TRAK1: variants seen among roughly 807,000 people sequenced by gnomAD.
The protein encoded by TRAK1 is trafficking kinesin protein 1.
A neutral mutation model predicts 92.1 loss-of-function variants in TRAK1; 33 were observed. The observed-to-expected ratio is 0.36, with a 90% CI of 0.27 to 0.48. The LOEUF (loss-of-function observed/expected upper bound fraction) is 0.48, where lower values mean the gene tolerates loss of function less well. Ranked by LOEUF, TRAK1 falls within the 20% of genes least tolerant of loss-of-function variation. TRAK1 has a pLI of 0.99. For missense variants in TRAK1, 1,123 were observed against 1,257.9 expected, an observed-to-expected ratio of 0.89 and a Z score of 1.62; for synonymous variants, 521 against 517.3, an observed-to-expected ratio of 1.01 and a Z score of -0.10.
rs989621463 is a variant in TRAK1 at position 42,218,055 on chromosome 3, G to A, written c.1964-1439G>A. On this transcript the variant is annotated intron_variant, in intron 14 of 15. Coordinates refer to ENST00000327628, the MANE Select transcript of TRAK1 (RefSeq NM_001042646.3). ...GTCACGTCAGGTGCCATGGGAGCCT[G>A]CTTTGACACACAGACCCGAGTCAGA... 3.0e-6 allele frequency: 3 copies of A among 985,312 alleles called. No individual in the cohort carries two copies. The African/African-American group carries it at 5.2e-5, about 17-fold the overall frequency. 61.0% of individuals were successfully genotyped at this position (985,312 alleles called of 1,614,324 possible).
rs754842279 is a variant in TRAK1, at chr3:42,201,089, G to A, written c.1427+35G>A. 8 of 1,599,046 alleles carry A rather than the reference G, an allele frequency of 5.0e-6. No homozygotes were observed. In the Admixed American group the frequency reaches 1.2e-4, roughly 23 times the overall value. ...CTGGGAGTTTTCACTTCTCTGTTTT[G>A]GGGTGAGGAGTGGTAGTATGGATTG... is the stretch of plus-strand genomic sequence containing the variant. On this transcript the variant is annotated intron_variant, in intron 12 of 15. Coordinates refer to ENST00000327628, the MANE Select transcript of TRAK1 (RefSeq NM_001042646.3).
upstream of TRAK1, among the ~76,000 whole-genome samples, chr3:42,089,550 G>A (rs553261150): frequency 3.1e-4 from 47 of 152,160 alleles, no homozygotes; most frequent in Admixed American, 7.9e-4. Context: ...TACACTGGCC[G>A]CCTCACTTAA....
rs576402683 is a variant in TRAK1 at position 42,157,404 on chromosome 3, G to A, written c.287-19410G>A. ...AGCCTAGAGGTCGAGGCTGCAGTGA[G>A]CCATGATCATACTACTGCAGTCCAG... On this transcript the variant is annotated intron_variant, in intron 2 of 15. Transcript: ENST00000327628. Among the ~76,000 whole-genome samples the A allele has an allele frequency of 5.8e-5, 7 of 121,720 alleles. No individual in the cohort carries two copies. The Admixed American group carries it at 6.8e-4, about 12-fold the overall frequency. 79.9% of individuals were successfully genotyped at this position (121,720 alleles called of 152,430 possible). A position where few individuals can be genotyped will look rare whatever the true frequency, so the allele number is the denominator to read the frequency against.
intron 1 of TRAK1, among the ~76,000 whole-genome samples, chr3:42,040,607 A>C (rs1223003073): frequency 1.3e-5 from 2 of 151,344 alleles, no homozygotes; most frequent in African/African-American, 4.9e-5. Flanking sequence ...GTAAGGGTTT[A>C]TTTATCTGGG....
At chr3:42,182,779 G>C (rs1053911625) in intron 3 of TRAK1, among the ~76,000 whole-genome samples, 1 of 152,200 alleles carries the variant, frequency 6.6e-6, no homozygotes, top group African/African-American at 2.4e-5. Flanking sequence ...AAGTTCCTGT[G>C]GTTAGCAAAG....
At chr3:42,040,786 C>T (rs139614298) in intron 1 of TRAK1, among the ~76,000 whole-genome samples, 11,172 of 151,888 alleles carry the variant, frequency 0.074, 471 homozygotes, top group Middle Eastern at 0.21. Flanking sequence ...TCAAGCAGTT[C>T]TCCTGCCTCA....
rs565241912 is a variant in TRAK1 at position 42,029,326 on chromosome 3, C to T, written c.-519+15209C>T. Among the ~76,000 whole-genome samples, 7 of 152,290 alleles carry T rather than the reference C, an allele frequency of 4.6e-5. 1 individual carries two copies. The South Asian group carries it at 1.4e-3, about 32-fold the overall frequency. ...CAGTCTCAGCTCATGGGAGCATCAACCTTCTGGGCTTGAGTGATCCTCCCA... is the reference window on the plus strand; with the variant it reads ...CAGTCTCAGCTCATGGGAGCATCAATCTTCTGGGCTTGAGTGATCCTCCCA... On this transcript the variant is annotated intron_variant, in intron 1 of 16. Coordinates refer to the TRAK1 transcript ENST00000487159.
chr3:42,061,265 G>A (rs142213782), intron 1 of TRAK1, among the ~76,000 whole-genome samples: 3,169 of 150,340 alleles, frequency 0.021, 47 homozygotes, highest in Non-Finnish European at 0.03. Context: ...CTGTGCATGC[G>A]TGCATGCACA....
chr3:42,127,191 A>G (rs1280584741), intron 2 of TRAK1, among the ~76,000 whole-genome samples: 2 of 152,144 alleles, frequency 1.3e-5, no homozygotes, highest in African/African-American at 4.8e-5. Flanking sequence ...GACGTCTGCA[A>G]AAAAATTCAC....
chr3:42,192,464 G>A (rs529975810), intron 7 of TRAK1, among the ~76,000 whole-genome samples: 6 of 151,984 alleles, frequency 3.9e-5, no homozygotes, highest in Non-Finnish European at 7.4e-5. Context: ...TTTGCATTTC[G>A]TCAAAGTACT....
At chr3:42,029,568 G>C (rs568658912) in intron 1 of TRAK1, among the ~76,000 whole-genome samples, 3 of 105,792 alleles carry the variant, frequency 2.8e-5, no homozygotes, top group Admixed American at 1.0e-4. Flanking sequence ...TTTTTTTTTT[G>C]AGACAGAGTC....
chr3:42,146,598 A>G (rs1699359085), intron 2 of TRAK1, among the ~76,000 whole-genome samples: 2 of 152,200 alleles, frequency 1.3e-5, no homozygotes, highest in Non-Finnish European at 2.9e-5. Flanking sequence ...TCTGTCACCC[A>G]GGCTGCAGTG....
At chr3:42,167,362 G>A (rs1702002449) in intron 2 of TRAK1, among the ~76,000 whole-genome samples, 1 of 152,242 alleles carries the variant, frequency 6.6e-6, no homozygotes, top group African/African-American at 2.4e-5. Context: ...CAGGTGGGAA[G>A]GGACATTTGT....
rs370150047 is a variant in TRAK1, at chr3:42,199,211, G to C, written c.1148G>C (p.Arg383Pro). The change falls in exon 11 of 16, where the codon CGC becomes CCC. Residue 383 changes from arginine (R) to proline (P), a missense_variant. Physicochemically the swap from Arg to Pro is moderately radical, Grantham distance 103. Transcript: ENST00000327628. ...SLAAEIEGTM[R>P]KELQLEEAES... is the part of the protein sequence containing the mutation. ...GCAGCAGAGATTGAGGGAACGATGC[G>C]CAAGGAGCTGCAGTTGGAAGAGGCC... 1 of 1,613,770 alleles carries C rather than the reference G, an allele frequency of 6.2e-7. No homozygotes were observed. Among genetic ancestry groups the C allele is most frequent in the Non-Finnish European group, 8.5e-7 (1 of 1,180,012 alleles).
intron 14 of TRAK1, among the ~76,000 whole-genome samples, chr3:42,215,515 TG>T (rs1709583944): frequency 1.3e-5 from 2 of 152,148 alleles, no homozygotes; most frequent in Admixed American, 6.5e-5. Context: ...TGTGTGTGTG[TG>T]TGTGTGTGTA....
At chr3:42,058,492 A>G (rs1195739641) in intron 1 of TRAK1, among the ~76,000 whole-genome samples, 2 of 152,260 alleles carry the variant, frequency 1.3e-5, no homozygotes, top group East Asian at 3.9e-4. Context: ...CGCCCCCGCC[A>G]CAACGCCCAG....
chr3:42,047,235 G>A (rs1280635457), intron 1 of TRAK1, among the ~76,000 whole-genome samples: 33 of 121,226 alleles, frequency 2.7e-4, no homozygotes, highest in Admixed American at 9.4e-4. Context: ...TAAATCTGTC[G>A]CCCAGGCTGG....
intron 7 of TRAK1, among the ~76,000 whole-genome samples, chr3:42,192,474 T>TGAGTATTTTGCATTTCGTCAAAGTACC (rs1705943526): frequency 7.6e-6 from 1 of 131,810 alleles, no homozygotes; most frequent in Non-Finnish European, 1.6e-5. Context: ...GTCAAAGTAC[T>TGAGTATTTTGCATTTCGTCAAAGTACC]AAGTATTTTG....
intron 2 of TRAK1, among the ~76,000 whole-genome samples, chr3:42,142,532 A>G (rs539362483): frequency 6.6e-6 from 1 of 152,204 alleles, no homozygotes; most frequent in Admixed American, 6.5e-5. Context: ...TGCCCACAGC[A>G]TCAGACCTTT....
Sources: gnomAD v4.1 joint callset for allele counts (sites outside exome capture counted in the v4.1 genomes callset) on GRCh38, gnomAD v4.1.1 for gene constraint, MANE v1.5 for transcripts, NCBI Gene and HGNC (gene_info 2026-07-23, HGNC 2026-07-21) for gene names.